ACSL4: variants seen among roughly 807,000 people sequenced by gnomAD.
The protein encoded by ACSL4 is long-chain-fatty-acid--CoA ligase 4.
Under a neutral mutation model 49.1 loss-of-function variants are expected in ACSL4, and 9 were observed. That is an observed-to-expected ratio of 0.18 (90% confidence interval 0.11 to 0.32). The LOEUF (loss-of-function observed/expected upper bound fraction) is 0.32, where lower values mean the gene tolerates loss of function less well. ACSL4 is among the 10% of genes least tolerant of loss of function. ACSL4 has a pLI of 1.00. For missense variants in ACSL4, 333 were observed against 493.7 expected, an observed-to-expected ratio of 0.67 and a Z score of 3.08; for synonymous variants, 191 against 170.3, an observed-to-expected ratio of 1.12 and a Z score of -0.95.
chrX:109,677,094 G>A (rs1337910627), intron 8 of ACSL4, among the ~76,000 whole-genome samples: 3 of 109,362 alleles, frequency 2.7e-5, no homozygotes, highest in Admixed American at 9.7e-5. Context: ...CGAGTAGCTG[G>A]GACTACAGGC....
At chrX:109,648,515 G>A (rs1171093109) in intron 15 of ACSL4, among the ~76,000 whole-genome samples, 1 of 110,987 alleles carries the variant, frequency 9.0e-6, no homozygotes, top group Non-Finnish European at 1.9e-5. Context: ...GGTATTGATG[G>A]GACGTATTTC....
chrX:109,674,947 G>C (rs1923559482), intron 8 of ACSL4, among the ~76,000 whole-genome samples: 2 of 112,210 alleles, frequency 1.8e-5, no homozygotes, highest in African/African-American at 6.5e-5. Context: ...TATTCTAGTT[G>C]GTAAGATACT....
At chrX:109,651,062 T>C (rs1481950577) in intron 15 of ACSL4, among the ~76,000 whole-genome samples, 10 of 112,092 alleles carry the variant, frequency 8.9e-5, no homozygotes, top group Non-Finnish European at 7.5e-5. Context: ...ATTGGCAAAA[T>C]ATAAGGAAGG....
intron 1 of ACSL4, among the ~76,000 whole-genome samples, chrX:109,727,353 C>T (rs1443934632): frequency 8.9e-6 from 1 of 111,805 alleles, no homozygotes; most frequent in East Asian, 2.8e-4. Context: ...AGCAAAAACA[C>T]TACCATGCCT....
At chrX:109,644,723 G>C (rs1236848427) in intron 15 of ACSL4, among the ~76,000 whole-genome samples, 1 of 112,732 alleles carries the variant, frequency 8.9e-6, no homozygotes. Context: ...CTCCCAGCCT[G>C]AGCGACACAG....
intron 6 of ACSL4, 28 bp downstream of exon 6, chrX:109,680,970 A>G: frequency 8.3e-7 from 1 of 1,202,884 alleles, no homozygotes; most frequent in Non-Finnish European, 1.1e-6. Flanking sequence ...GAATAGGTAA[A>G]TAAAATTGTT....
intron 2 of ACSL4, among the ~76,000 whole-genome samples, chrX:109,694,752 C>T (rs1603408083): frequency 9.0e-6 from 1 of 111,529 alleles, no homozygotes; most frequent in African/African-American, 3.3e-5. Context: ...CCAGTAAAAA[C>T]GTTTTCACTA....
chrX:109,670,189 T>G (rs1350368527), intron 9 of ACSL4, among the ~76,000 whole-genome samples: 2 of 112,352 alleles, frequency 1.8e-5, no homozygotes, highest in South Asian at 3.7e-4. Flanking sequence ...ATATCAATTA[T>G]CAGTACAAAT....
In ACSL4 at chrX:109,642,374, A is replaced by T. The variant is rs1213643342; in HGVS notation, c.*1655T>A. Reference sequence around the variant, plus strand: ...AGAATACTCACATACACATAACTTCAGGGAAAACTTGCCTAAAATTTTACC... The same window carrying T: ...AGAATACTCACATACACATAACTTCTGGGAAAACTTGCCTAAAATTTTACC... On this transcript the variant is annotated 3_prime_UTR_variant, in exon 16 of 16. Coordinates refer to ENST00000672401, the MANE Select transcript of ACSL4 (RefSeq NM_001318510.2). The T allele has an allele frequency of 1.8e-5, 2 of 111,802 alleles. No individual in the cohort carries two copies. Among genetic ancestry groups the T allele is most frequent in the Non-Finnish European group, 3.8e-5 (2 of 53,051 alleles). 9.2% of individuals were successfully genotyped at this position (111,802 alleles called of 1,213,427 possible).
intron 2 of ACSL4, among the ~76,000 whole-genome samples, chrX:109,694,335 A>C (rs1014574244): frequency 1.8e-5 from 2 of 112,504 alleles, no homozygotes; most frequent in Admixed American, 1.9e-4. Flanking sequence ...AGAAGACCAG[A>C]AGTTCTAGAG....
intron 1 of ACSL4, among the ~76,000 whole-genome samples, chrX:109,729,340 A>T (rs903466009): frequency 7.1e-5 from 8 of 112,678 alleles, no homozygotes; most frequent in Non-Finnish European, 1.5e-4. Context: ...ACATGGAAAA[A>T]TGATCAACAT....
At chrX:109,654,290 T>C (rs1342163406) in intron 15 of ACSL4, among the ~76,000 whole-genome samples, 1 of 111,236 alleles carries the variant, frequency 9.0e-6, no homozygotes, top group Non-Finnish European at 1.9e-5. Flanking sequence ...AAAGATAAAC[T>C]ACTCTCAAGT....
chrX:109,676,944 A>T (rs901269906), intron 8 of ACSL4, among the ~76,000 whole-genome samples: 7 of 111,341 alleles, frequency 6.3e-5, no homozygotes, highest in South Asian at 3.7e-4. Context: ...AAATAAAAAA[A>T]TTTTTTTCAA....
chrX:109,646,369 A>G (rs1246118414), intron 15 of ACSL4, among the ~76,000 whole-genome samples: 7 of 111,828 alleles, frequency 6.3e-5, no homozygotes, highest in African/African-American at 1.9e-4. Context: ...CCAATATACA[A>G]CATTCTTAAA....
At chrX:109,700,646 T>C (rs1925844034) in intron 1 of ACSL4, among the ~76,000 whole-genome samples, 1 of 111,549 alleles carries the variant, frequency 9.0e-6, no homozygotes, top group African/African-American at 3.3e-5. Flanking sequence ...AAATAAATGT[T>C]ATAACATAAG....
chrX:109,709,121 T>G (rs914902128), intron 1 of ACSL4, among the ~76,000 whole-genome samples: 3 of 111,683 alleles, frequency 2.7e-5, no homozygotes, highest in African/African-American at 9.8e-5. Context: ...AATGAAAATG[T>G]TTTTCAACTG....
intron 1 of ACSL4, among the ~76,000 whole-genome samples, chrX:109,722,527 C>CA (rs1304525963): frequency 9.0e-6 from 1 of 111,269 alleles, no homozygotes; most frequent in African/African-American, 3.3e-5. Context: ...AAACTCCACC[C>CA]AAAAAAAGCT....
intron 4 of ACSL4, among the ~76,000 whole-genome samples, chrX:109,682,105 C>A (rs1924209639): frequency 8.9e-6 from 1 of 112,004 alleles, no homozygotes; most frequent in South Asian, 3.7e-4. Context: ...TTCATATTAT[C>A]TATTTTTTGT....
Position 109,644,009 on chromosome X carries a change from G to A in ACSL4, c.*20C>T. 8.3e-7 allele frequency: 1 copy of A among 1,210,132 alleles called. No individual in the cohort carries two copies. The highest frequency in any genetic ancestry group is 1.1e-6 in the Non-Finnish European group (1 of 894,149). On this transcript the variant is annotated 3_prime_UTR_variant, in exon 16 of 16. Coordinates refer to ENST00000672401, the MANE Select transcript of ACSL4 (RefSeq NM_001318510.2). Reference sequence around the variant, plus strand: ...CCACCAGGCTACCTCCTGCACAACTGTCAATAAGACAACAACATTTTATTT... The same window carrying A: ...CCACCAGGCTACCTCCTGCACAACTATCAATAAGACAACAACATTTTATTT...
Sources: allele counts gnomAD v4.1 joint callset (sites outside exome capture counted in the v4.1 genomes callset), GRCh38; gene constraint gnomAD v4.1.1; transcripts MANE v1.5; gene names NCBI Gene and HGNC (gene_info 2026-07-23, HGNC 2026-07-21).